The following HCN1 variants were observed in gnomAD, a reference collection of about 807,000 sequenced individuals.
HCN1 encodes the protein hyperpolarization activated cyclic nucleotide gated potassium channel 1.
In HCN1, 13 loss-of-function variants were observed where a neutral mutation model predicts 78.9. The observed-to-expected ratio is 0.16, with a 90% CI of 0.11 to 0.26. HCN1 has a LOEUF of 0.26. HCN1 is among the 10% of genes least tolerant of loss of function. The pLI, the probability that HCN1 is intolerant of heterozygous loss-of-function variation, is 1.00. For missense variants in HCN1, 810 were observed against 1,154.3 expected (o/e 0.70, Z 4.32); for synonymous variants, 552 against 455.5 (o/e 1.21, Z -2.70).
intron 2 of HCN1, among the ~76,000 whole-genome samples, chr5:45,531,838 G>C (rs948834378): frequency 6.6e-6 from 1 of 152,104 alleles, no homozygotes; most frequent in Non-Finnish European, 1.5e-5. Context: ...ACAGGAACTC[G>C]AGGCTAGCCT....
intron 2 of HCN1, chr5:45,643,030 A>G (rs1745483561): frequency 6.6e-6 from 1 of 152,160 alleles, no homozygotes; most frequent in Non-Finnish European, 1.5e-5. Context: ...CCACAACTCT[A>G]GCCTGAATGT....
intron 2 of HCN1, among the ~76,000 whole-genome samples, chr5:45,518,466 C>T (rs1393844333): frequency 6.6e-6 from 1 of 151,948 alleles, no homozygotes; most frequent in African/African-American, 2.4e-5. Flanking sequence ...CTCCTGATGG[C>T]ACAGGGATGA....
intron 4 of HCN1, among the ~76,000 whole-genome samples, chr5:45,382,635 G>A (rs912054125): frequency 3.8e-4 from 58 of 151,970 alleles, no homozygotes; most frequent in Admixed American, 3.3e-4. Context: ...TGTATTATCC[G>A]TATTTCAAAT....
rs981119642 is a variant in HCN1, at chr5:45,580,904, G to A, written c.849+64281C>T. 2.0e-5 allele frequency among the ~76,000 whole-genome samples: 3 copies of A among 152,056 alleles called. No individual in the cohort carries two copies. In the East Asian group the frequency reaches 5.8e-4, roughly 29 times the overall value. ...ATGGCTGCATAGTATTCCATGGTGT[G>A]TATGTGCCACATTTTCTTAATCCAG... is the stretch of plus-strand genomic sequence containing the variant. On this transcript the variant is annotated intron_variant, in intron 2 of 7. Transcript: ENST00000303230.
intron 2 of HCN1, among the ~76,000 whole-genome samples, chr5:45,523,014 C>T (rs191479649): frequency 0.02 from 2,965 of 151,934 alleles, 49 homozygotes; most frequent in Non-Finnish European, 0.026. Context: ...CCCACTCCCC[C>T]CACCCCACAA....
chr5:45,408,017 T>C (rs987202478), intron 3 of HCN1, among the ~76,000 whole-genome samples: 47 of 152,190 alleles, frequency 3.1e-4, no homozygotes, highest in African/African-American at 1.1e-3. Flanking sequence ...AAAAAAATCA[T>C]ATAGAATATA....
intron 3 of HCN1, among the ~76,000 whole-genome samples, chr5:45,460,122 G>A (rs1741115657): frequency 6.6e-6 from 1 of 152,070 alleles, no homozygotes; most frequent in Non-Finnish European, 1.5e-5. Context: ...ACTTTCTATG[G>A]TCTGAATGTG....
At chr5:45,421,036 C>T (rs1247386479) in intron 3 of HCN1, among the ~76,000 whole-genome samples, 1 of 151,728 alleles carries the variant, frequency 6.6e-6, no homozygotes, top group East Asian at 1.9e-4. Flanking sequence ...TCCTTTCTTT[C>T]CTTTCCTTCC....
At chr5:45,308,493 G>A (rs1455052726) in intron 5 of HCN1, among the ~76,000 whole-genome samples, 1 of 151,998 alleles carries the variant, frequency 6.6e-6, no homozygotes, top group African/African-American at 2.4e-5. Flanking sequence ...CTTTTAAAAA[G>A]ATCTCCTAGT....
At chr5:45,660,463 TAA>T (rs1413580628) in intron 1 of HCN1, among the ~76,000 whole-genome samples, 1 of 143,840 alleles carries the variant, frequency 7.0e-6, no homozygotes, top group Admixed American at 7.0e-5. Context: ...ATATTAACTT[TAA>T]ATATAAATGG....
intron 6 of HCN1, among the ~76,000 whole-genome samples, chr5:45,275,783 TA>T (rs1228801051): frequency 6.6e-6 from 1 of 152,152 alleles, no homozygotes; most frequent in African/African-American, 2.4e-5. Flanking sequence ...TTTGTGATTG[TA>T]ACAAAAATAA....
chr5:45,369,859 C>G (rs1370016772), intron 4 of HCN1, among the ~76,000 whole-genome samples: 1 of 151,870 alleles, frequency 6.6e-6, no homozygotes, highest in Admixed American at 6.6e-5. Context: ...AATAAGATAC[C>G]TAAGAGATAA....
At chr5:45,512,352 C>T (rs955143212) in intron 2 of HCN1, among the ~76,000 whole-genome samples, 1 of 151,990 alleles carries the variant, frequency 6.6e-6, no homozygotes, top group Admixed American at 6.6e-5. Flanking sequence ...AGTTGAACAG[C>T]ACTTATGTCA....
chr5:45,459,234 A>G (rs755065461), intron 3 of HCN1, among the ~76,000 whole-genome samples: 1 of 151,882 alleles, frequency 6.6e-6, no homozygotes, highest in Admixed American at 6.6e-5. Flanking sequence ...CAAGACCCCC[A>G]TCTCAAAAAA....
chr5:45,570,937 T>C (rs911902364), intron 2 of HCN1, among the ~76,000 whole-genome samples: 8 of 152,162 alleles, frequency 5.3e-5, no homozygotes, highest in Non-Finnish European at 7.4e-5. Context: ...TCATATTTCA[T>C]ACTATTAAAA....
chr5:45,674,301 T>C (rs1254449385), intron 1 of HCN1, among the ~76,000 whole-genome samples: 1 of 151,556 alleles, frequency 6.6e-6, no homozygotes, highest in African/African-American at 2.4e-5. Flanking sequence ...TAGAAGTCTA[T>C]ATTTTAAGTG....
At position 45,677,989 on chromosome 5, in the gene HCN1, T is replaced by TACACAC. The variant is rs200866112; in HGVS notation, c.425+17674_425+17679dup. 3.9e-3 allele frequency among the ~76,000 whole-genome samples: 368 copies of TACACAC among 94,158 alleles called. 1 individual carries two copies. The highest frequency in any genetic ancestry group is 0.012 in the African/African-American group (342 of 27,502). The allele number at this position is 94,158 out of a possible 152,430, so 61.8% of individuals were successfully genotyped here. A position where few individuals can be genotyped will look rare whatever the true frequency, so the allele number is the denominator to read the frequency against. On this transcript the variant is annotated intron_variant, in intron 1 of 7. Transcript: ENST00000303230. The stretch of plus-strand genomic sequence containing the variant: ...AAGATTAAACACATACACACACACA[T>TACACAC]ACACACACACACACACACACACACA...
chr5:45,293,608 C>A (rs1336311146), intron 6 of HCN1, among the ~76,000 whole-genome samples: 1 of 151,982 alleles, frequency 6.6e-6, no homozygotes, highest in East Asian at 1.9e-4. Context: ...TCTCCTTCTT[C>A]CCCTCCTTCT....
chr5:45,695,578 T>C, intron 1 of HCN1, 91 bp downstream of exon 1: 1 of 1,088,886 alleles, frequency 9.2e-7, no homozygotes, highest in South Asian at 1.3e-5. Context: ...CCCGCCCTCC[T>C]AGTCCCCGGG....
Sources: gnomAD v4.1 joint callset for allele counts (sites outside exome capture counted in the v4.1 genomes callset) on GRCh38, gnomAD v4.1.1 for gene constraint, MANE v1.5 for transcripts, NCBI Gene and HGNC (gene_info 2026-07-23, HGNC 2026-07-21) for gene names.